The following ASAP1 variants were observed in gnomAD, a reference collection of about 807,000 sequenced individuals.
ASAP1 encodes arf-GAP with SH3 domain, ANK repeat and PH domain-containing protein 1.
A neutral mutation model predicts 145.2 loss-of-function variants in ASAP1; 43 were observed. The observed-to-expected ratio is 0.30, with a 90% CI of 0.23 to 0.38. The LOEUF is 0.38. ASAP1 is among the 10% of genes least tolerant of loss of function. The pLI, the probability that ASAP1 is intolerant of heterozygous loss-of-function variation, is 1.00. For synonymous variants in ASAP1, 546 were observed against 515.5 expected (o/e 1.06, Z -0.80); for missense variants, 1,018 against 1,355.3 (o/e 0.75, Z 3.91).
At chr8:130,272,853 GGAGA>G (rs975955218) in intron 3 of ASAP1, among the ~76,000 whole-genome samples, 2 of 152,176 alleles carry the variant, frequency 1.3e-5, no homozygotes, top group African/African-American at 4.8e-5. Context: ...TATGTAGGTG[GGAGA>G]GAGAGAGAAT....
At chr8:130,056,793 G>A (rs1308729826) in intron 29 of ASAP1, among the ~76,000 whole-genome samples, 1 of 152,202 alleles carries the variant, frequency 6.6e-6, no homozygotes, top group Non-Finnish European at 1.5e-5. Context: ...GGCAGGACGG[G>A]GCTCAGGCTG....
Position 130,270,147 on chromosome 8 carries a change from G to A in ASAP1, c.187-33153C>T, listed in dbSNP as rs1427217610. On this transcript the variant is annotated intron_variant, in intron 3 of 29. Transcript: ENST00000518721. ...ATCGTGCCACTGCACTCCAGCCTGC[G>A]TGACAGAGCGAGAATCTTGTCTCAA... Among the ~76,000 whole-genome samples the A allele has an allele frequency of 4.6e-5, 7 of 152,160 alleles. 1 individual carries two copies. The highest frequency in any genetic ancestry group is 3.9e-4 in the Admixed American group (6 of 15,280).
At chr8:130,329,493 C>G (rs1251053624) in intron 3 of ASAP1, among the ~76,000 whole-genome samples, 1 of 152,164 alleles carries the variant, frequency 6.6e-6, no homozygotes, top group East Asian at 1.9e-4. Context: ...TGGAGGTCAG[C>G]TGGTCCAAAT....
chr8:130,138,212 AC>A (rs1161017860), intron 13 of ASAP1, among the ~76,000 whole-genome samples: 1 of 152,226 alleles, frequency 6.6e-6, no homozygotes, highest in Non-Finnish European at 1.5e-5. Flanking sequence ...TGGGCATTAA[AC>A]AATTTCTATT....
chr8:130,378,383 G>A (rs765592351), intron 2 of ASAP1, among the ~76,000 whole-genome samples: 4 of 152,210 alleles, frequency 2.6e-5, no homozygotes, highest in South Asian at 2.1e-4. Flanking sequence ...AGGACTTCAC[G>A]GCGAAGGTGA....
Position 130,358,053 on chromosome 8 carries a change from CA to C in ASAP1, c.149del (p.Leu50ArgfsTer15), listed in dbSNP as rs1826450290. 6.2e-7 allele frequency: 1 copy of C among 1,610,312 alleles called. No individual in the cohort carries two copies. Among genetic ancestry groups the C allele is most frequent in the Non-Finnish European group, 8.5e-7 (1 of 1,178,818 alleles). On this transcript the variant is annotated frameshift_variant, in exon 3 of 30. Transcript: ENST00000518721. LOFTEE classifies it high-confidence loss of function. The surrounding 1 kb of genome is among the most constrained non-coding windows in gnomAD (Gnocchi z 4.1). ...SPTTSSFTTR[L>X]HNCRNTVTLL... ...GCGTGACGGTGTTCCTGCAGTTGTG[CA>C]GCCGCGTGGTGAAGCTGGACGTGGT...
chr8:130,071,551 C>T (rs1330110707), intron 27 of ASAP1, among the ~76,000 whole-genome samples: 1 of 152,088 alleles, frequency 6.6e-6, no homozygotes, highest in African/African-American at 2.4e-5. Flanking sequence ...TCTAATGTCC[C>T]TTCAAAAAAG....
At chr8:130,171,046 C>T (rs118150669) in intron 9 of ASAP1, among the ~76,000 whole-genome samples, 1,847 of 152,256 alleles carry the variant, frequency 0.012, 20 homozygotes, top group Non-Finnish European at 0.018. Context: ...TTTGGGTTTT[C>T]GGCACTGCCT....
At chr8:130,348,855 A>G (rs564165838) in intron 3 of ASAP1, among the ~76,000 whole-genome samples, 87 of 152,336 alleles carry the variant, frequency 5.7e-4, no homozygotes, top group African/African-American at 2.0e-3. Flanking sequence ...AATGACCACA[A>G]TCAATTATGC....
At chr8:130,423,908 T>C (rs2138723725) in intron 1 of ASAP1, among the ~76,000 whole-genome samples, 1 of 151,668 alleles carries the variant, frequency 6.6e-6, no homozygotes, top group African/African-American at 2.4e-5. Context: ...GGGAGGAGAA[T>C]TGGGAAAATG....
intron 3 of ASAP1, among the ~76,000 whole-genome samples, chr8:130,332,441 CTTTAG>C (rs1824754217): frequency 1.3e-5 from 2 of 152,088 alleles, no homozygotes; most frequent in African/African-American, 4.8e-5. Flanking sequence ...TGTCATTGTA[CTTTAG>C]TTTACAGTTT....
intron 4 of ASAP1, among the ~76,000 whole-genome samples, chr8:130,224,630 C>A (rs992084011): frequency 5.3e-5 from 8 of 152,072 alleles, no homozygotes; most frequent in African/African-American, 1.4e-4. Context: ...CATACGACCA[C>A]CATGGCTTGC....
intron 3 of ASAP1, among the ~76,000 whole-genome samples, chr8:130,242,277 AAAAAAAC>A (rs1818580009): frequency 6.6e-6 from 1 of 150,642 alleles, no homozygotes; most frequent in African/African-American, 2.4e-5. Context: ...AAAAAAAAAA[AAAAAAAC>A]AACTTTTTTT....
chr8:130,329,766 C>G (rs903190843), intron 3 of ASAP1, among the ~76,000 whole-genome samples: 2 of 152,212 alleles, frequency 1.3e-5, no homozygotes, highest in African/African-American at 4.8e-5. Context: ...GTTTTGACCA[C>G]TTATGACGTG....
At chr8:130,240,973 A>C (rs1276678381) in intron 3 of ASAP1, among the ~76,000 whole-genome samples, 1 of 152,114 alleles carries the variant, frequency 6.6e-6, no homozygotes, top group African/African-American at 2.4e-5. Flanking sequence ...AAATTATACA[A>C]ACCAGACCAT....
intron 4 of ASAP1, 37 bp from the exon 5 acceptor site, chr8:130,214,738 A>G: frequency 6.6e-7 from 1 of 1,511,726 alleles, no homozygotes; most frequent in Non-Finnish European, 8.9e-7. Flanking sequence ...AGTCTGAACT[A>G]TTATTTGCCA....
chr8:130,123,983 A>T (rs891754783), intron 18 of ASAP1, 30 bp downstream of exon 18: 25 of 1,535,676 alleles, frequency 1.6e-5, no homozygotes, highest in East Asian at 2.3e-5. Context: ...AGAATGGTTT[A>T]AAAAAGTTCA....
At chr8:130,219,565 G>C (rs967507069) in intron 4 of ASAP1, among the ~76,000 whole-genome samples, 2 of 152,198 alleles carry the variant, frequency 1.3e-5, no homozygotes, top group African/African-American at 2.4e-5. Context: ...AGAGGTTTCA[G>C]AGAGCAGGAT....
At chr8:130,402,344 C>T (rs1019578038) in intron 1 of ASAP1, among the ~76,000 whole-genome samples, 3 of 152,088 alleles carry the variant, frequency 2.0e-5, no homozygotes, top group Admixed American at 6.6e-5. Context: ...GCTGGGTGCC[C>T]ACGAGAAAGC....
Sources: allele counts gnomAD v4.1 joint callset (sites outside exome capture counted in the v4.1 genomes callset), GRCh38; gene constraint gnomAD v4.1.1; non-coding constraint Gnocchi (gnomAD v3.1); transcripts MANE v1.5; gene names NCBI Gene and HGNC (gene_info 2026-07-23, HGNC 2026-07-21).